NBAS: variants seen among roughly 807,000 people sequenced by gnomAD.
NBAS encodes the protein NAG/BC035112 fusion.
In NBAS, 219 loss-of-function variants were observed where a neutral mutation model predicts 302.5. The observed-to-expected ratio is 0.72, with a 90% CI of 0.65 to 0.81. The LOEUF is 0.81. NBAS is among the 30% of genes least tolerant of loss of function. The pLI is 0.00. For synonymous variants in NBAS, 1,118 were observed against 1,021.6 expected (o/e 1.09, Z -1.80); for missense variants, 2,932 against 2,841.6 (o/e 1.03, Z -0.72).
At chr2:14,971,749 C>G in the NBAS span, among the ~76,000 whole-genome samples, 4 of 152,168 alleles carry the variant, frequency 2.6e-5, no homozygotes, top group Non-Finnish European at 4.4e-5. Flanking sequence ...ACTCACCATG[C>G]TTGTGGAGTC....
chr2:15,247,931 C>A (rs887406953), intron 44 of NBAS, among the ~76,000 whole-genome samples: 2 of 152,084 alleles, frequency 1.3e-5, no homozygotes, highest in African/African-American at 4.8e-5. Flanking sequence ...AGGATTTGAA[C>A]TCAGCTCTGG....
At chr2:15,255,598 T>C (rs1668556671) in intron 44 of NBAS, among the ~76,000 whole-genome samples, 1 of 152,184 alleles carries the variant, frequency 6.6e-6, no homozygotes. Context: ...TTTGTTTCAT[T>C]TGCTTTGGGT....
intron 31 of NBAS, among the ~76,000 whole-genome samples, chr2:15,371,062 G>A (rs893713210): frequency 6.6e-6 from 1 of 152,168 alleles, no homozygotes; most frequent in Non-Finnish European, 1.5e-5. Context: ...ATGACCTGGT[G>A]GAAGGTGACT....
rs924531473 is a variant in NBAS, at chr2:15,386,923, A to G, written c.3258-3606T>C. On this transcript the variant is annotated intron_variant, in intron 28 of 51. Transcript: ENST00000281513. ...ATAAATATTCTCTTCATATTAATTGAGTGTGTCCCCCTCTGGACCAGGGAG... is the reference window on the plus strand; with the variant it reads ...ATAAATATTCTCTTCATATTAATTGGGTGTGTCCCCCTCTGGACCAGGGAG... 2.0e-5 allele frequency among the ~76,000 whole-genome samples: 3 copies of G among 152,024 alleles called. No individual in the cohort carries two copies. In the South Asian group the frequency reaches 6.2e-4, roughly 32 times the overall value.
chr2:15,367,577 T>C (rs1255652364), intron 31 of NBAS, among the ~76,000 whole-genome samples: 1 of 152,194 alleles, frequency 6.6e-6, no homozygotes, highest in African/African-American at 2.4e-5. Flanking sequence ...TTAAATACTT[T>C]GGCAAAGGTC....
intron 17 of NBAS, 49 bp from the exon 18 acceptor site, chr2:15,467,853 G>A (rs747333871): frequency 2.4e-5 from 34 of 1,429,828 alleles, no homozygotes; most frequent in Non-Finnish European, 2.8e-5. Flanking sequence ...TAAAAACTTC[G>A]TGTTGTGAAA....
intron 9 of NBAS, among the ~76,000 whole-genome samples, chr2:15,521,866 G>A (rs1298479096): frequency 1.3e-5 from 2 of 152,108 alleles, no homozygotes; most frequent in Non-Finnish European, 2.9e-5. Flanking sequence ...AATTTTATAT[G>A]TAGTCATGTC....
the NBAS span, among the ~76,000 whole-genome samples, chr2:14,943,466 T>C: frequency 7.2e-5 from 11 of 152,352 alleles, no homozygotes; most frequent in Admixed American, 3.9e-4. Flanking sequence ...AGCTACCTAA[T>C]TGCATTGCAG....
At chr2:15,263,079 C>A (rs939896589) in intron 44 of NBAS, among the ~76,000 whole-genome samples, 3 of 152,210 alleles carry the variant, frequency 2.0e-5, no homozygotes, top group African/African-American at 7.2e-5. Flanking sequence ...AGAGGCTTCA[C>A]AATGAAATTT....
chr2:15,219,083 T>A, intron 47 of NBAS, 115 bp from the exon 48 acceptor site: 1 of 1,336,812 alleles, frequency 7.5e-7, no homozygotes, highest in Non-Finnish European at 1.0e-6. Flanking sequence ...CTTCGTTTTT[T>A]TCCTCTTGAA....
chr2:15,075,127 T>C, the NBAS span, among the ~76,000 whole-genome samples: 2 of 152,238 alleles, frequency 1.3e-5, no homozygotes, highest in African/African-American at 4.8e-5. Context: ...TAGTGCCTTT[T>C]TGGTAATAGC....
the NBAS span, among the ~76,000 whole-genome samples, chr2:15,141,821 A>T: frequency 6.6e-6 from 1 of 152,156 alleles, no homozygotes; most frequent in Non-Finnish European, 1.5e-5. Flanking sequence ...GGGGCAGGGG[A>T]TGCTAGAGAA....
chr2:15,088,857 G>A, the NBAS span, among the ~76,000 whole-genome samples: 1 of 152,192 alleles, frequency 6.6e-6, no homozygotes, highest in Non-Finnish European at 1.5e-5. Context: ...CCCAGAAACC[G>A]ATTTGGATGG....
the NBAS span, among the ~76,000 whole-genome samples, chr2:15,040,894 G>A: frequency 6.6e-6 from 1 of 152,178 alleles, no homozygotes; most frequent in Non-Finnish European, 1.5e-5. Flanking sequence ...CTGCCTTCCT[G>A]TGCGGTAAAA....
chr2:15,242,346 A>G (rs548404344), intron 44 of NBAS, among the ~76,000 whole-genome samples: 44 of 152,348 alleles, frequency 2.9e-4, no homozygotes, highest in African/African-American at 1.0e-3. Flanking sequence ...CAGAGTGTAA[A>G]TAAATGCAAT....
At chr2:15,468,987 A>T (rs1268422734) in intron 16 of NBAS, among the ~76,000 whole-genome samples, 1 of 152,222 alleles carries the variant, frequency 6.6e-6, no homozygotes, top group Non-Finnish European at 1.5e-5. Context: ...GATATATCCC[A>T]GGGTGTGAAT....
chr2:15,328,156 A>T (rs1378200281), intron 37 of NBAS, 43 bp downstream of exon 37: 2 of 1,553,898 alleles, frequency 1.3e-6, no homozygotes, highest in Middle Eastern at 1.9e-4. Context: ...TGTCTACAAC[A>T]GCATGACAGT....
At chr2:15,330,803 A>AT (rs766612953) in intron 35 of NBAS, 38 bp from the exon 36 acceptor site, 5 of 1,605,550 alleles carry the variant, frequency 3.1e-6, no homozygotes, top group Non-Finnish European at 4.3e-6. Flanking sequence ...GCAAAAATGC[A>AT]TTACCATAAG....
At chr2:14,929,025 C>T in the NBAS span, among the ~76,000 whole-genome samples, 22,980 of 152,142 alleles carry the variant, frequency 0.15, 1,782 homozygotes, top group African/African-American at 0.18. Flanking sequence ...TGGATCCCTA[C>T]CTTAGCATGG....
Sources: gnomAD v4.1 joint callset for allele counts (sites outside exome capture counted in the v4.1 genomes callset) on GRCh38, gnomAD v4.1.1 for gene constraint, MANE v1.5 for transcripts, NCBI Gene and HGNC (gene_info 2026-07-23, HGNC 2026-07-21) for gene names.